The following EGF variants were observed in gnomAD, a reference collection of about 807,000 sequenced individuals.
EGF encodes the protein pro-epidermal growth factor.
In EGF, 95 loss-of-function variants were observed where a neutral mutation model predicts 143.8. The ratio of observed to expected loss-of-function variants is 0.66; its 90% CI spans 0.56 to 0.78. The LOEUF is 0.78. EGF is among the 30% of genes least tolerant of loss of function. The probability of loss-of-function intolerance (pLI) is 0.00; values close to 1 mark genes in which losing one functional copy is unlikely to be tolerated. For missense variants in EGF, 1,320 were observed against 1,470.9 expected (o/e 0.90, Z 1.68); for synonymous variants, 510 against 510.5 (o/e 1.00, Z 0.01).
chr4:109,944,947 T>A (rs1200135265), intron 4 of EGF, 126 bp from the exon 5 acceptor site: 1 of 999,536 alleles, frequency 1.0e-6, no homozygotes, highest in Non-Finnish European at 1.5e-6. Context: ...TTTCTAAACA[T>A]AAATGAGAAA....
At chr4:109,956,922 T>C (rs964420352) in intron 5 of EGF, among the ~76,000 whole-genome samples, 2 of 152,178 alleles carry the variant, frequency 1.3e-5, no homozygotes, top group African/African-American at 4.8e-5. Flanking sequence ...CACTAGTACA[T>C]TAGGCCAGTG....
chr4:109,999,944 A>G (rs1161473194), intron 21 of EGF, 98 bp downstream of exon 21: 11 of 1,531,790 alleles, frequency 7.2e-6, no homozygotes, highest in Admixed American at 6.7e-5. Flanking sequence ...TAGTACCTCT[A>G]CATACTACAT....
intron 6 of EGF, 136 bp downstream of exon 6, chr4:109,959,573 C>A: frequency 7.5e-7 from 1 of 1,326,082 alleles, no homozygotes; most frequent in Non-Finnish European, 1.1e-6. Context: ...CCATTCTCCC[C>A]GTCCCCCACA....
intron 1 of EGF, among the ~76,000 whole-genome samples, chr4:109,914,687 T>A (rs1020419871): frequency 1.1e-4 from 16 of 152,312 alleles, no homozygotes; most frequent in African/African-American, 3.9e-4. Context: ...TGTGTATGAA[T>A]GAGGCGTCTT....
intron 1 of EGF, among the ~76,000 whole-genome samples, chr4:109,917,898 G>A (rs1360323656): frequency 1.3e-5 from 2 of 152,140 alleles, no homozygotes; most frequent in East Asian, 3.9e-4. Context: ...GGGATTACAG[G>A]CATGAGCCAC....
chr4:109,928,528 C>T (rs757563768), intron 1 of EGF, among the ~76,000 whole-genome samples: 3 of 152,036 alleles, frequency 2.0e-5, no homozygotes, highest in Non-Finnish European at 4.4e-5. Flanking sequence ...TAAAAAGGTG[C>T]CAGACTCTTA....
At chr4:109,933,786 T>C (rs1303672612) in intron 1 of EGF, among the ~76,000 whole-genome samples, 1 of 152,228 alleles carries the variant, frequency 6.6e-6, no homozygotes, top group Non-Finnish European at 1.5e-5. Flanking sequence ...TATTCCATGG[T>C]GTATATGTGC....
At chr4:109,919,287 GTC>G (rs58110007) in intron 1 of EGF, among the ~76,000 whole-genome samples, 5,804 of 75,674 alleles carry the variant, frequency 0.077, 312 homozygotes, top group Non-Finnish European at 0.091. Flanking sequence ...ATGCTTCTCT[GTC>G]TCTCTCTCTC....
chr4:109,988,760 C>T (rs756170549), intron 18 of EGF, 51 bp downstream of exon 18: 109 of 1,611,040 alleles, frequency 6.8e-5, no homozygotes, highest in Non-Finnish European at 8.3e-5. Context: ...CCTCAGAAAT[C>T]GGGAAACAAT....
At chr4:109,936,713 G>A (rs1740874798) in intron 1 of EGF, among the ~76,000 whole-genome samples, 1 of 152,188 alleles carries the variant, frequency 6.6e-6, no homozygotes. Context: ...TGCTTTAGCT[G>A]TGTCTCAGAG....
At chr4:109,959,015 A>G (rs1050472468) in intron 5 of EGF, 6 of 364,488 alleles carry the variant, frequency 1.6e-5, no homozygotes, top group East Asian at 5.7e-5. Context: ...TTTTGTGATA[A>G]AAGTACATTA....
At chr4:109,970,824 CAAAAAAA>C (rs371512157) in intron 11 of EGF, among the ~76,000 whole-genome samples, 2 of 72,974 alleles carry the variant, frequency 2.7e-5, no homozygotes, top group South Asian at 1.2e-3. Context: ...GACTCCGTCT[CAAAAAAA>C]AAAAAAAAAA....
intron 2 of EGF, among the ~76,000 whole-genome samples, chr4:109,942,942 T>G (rs969856371): frequency 6.6e-6 from 1 of 152,210 alleles, no homozygotes; most frequent in Non-Finnish European, 1.5e-5. Context: ...GCATCAAAAT[T>G]TCACCATTAC....
At chr4:109,934,265 T>G (rs1740348608) in intron 1 of EGF, among the ~76,000 whole-genome samples, 1 of 152,196 alleles carries the variant, frequency 6.6e-6, no homozygotes, top group African/African-American at 2.4e-5. Context: ...GCCTATCAGC[T>G]TAAGGAGATT....
chr4:109,926,166 A>G (rs1738603106), intron 1 of EGF, among the ~76,000 whole-genome samples: 1 of 152,152 alleles, frequency 6.6e-6, no homozygotes, highest in African/African-American at 2.4e-5. Context: ...CAGCCTAGGC[A>G]ACATAGGAGA....
At chr4:109,986,941 T>C (rs754842977) in intron 16 of EGF, among the ~76,000 whole-genome samples, 1 of 152,218 alleles carries the variant, frequency 6.6e-6, no homozygotes, top group Non-Finnish European at 1.5e-5. Context: ...CATTGTGACA[T>C]ACATATTCTA....
rs752077372 is a variant in EGF at position 109,913,322 on chromosome 4, A to T, written c.-14A>T. Reference sequence around the variant, plus strand: ...CAAGCTGTTTTCTTTTGAAAGTTCAAACTCATCAAGATTATGCTGCTCACT... The same window carrying T: ...CAAGCTGTTTTCTTTTGAAAGTTCATACTCATCAAGATTATGCTGCTCACT... On this transcript the variant is annotated 5_prime_UTR_variant, in exon 1 of 24. Transcript: ENST00000265171. 3 of 1,613,382 alleles carry T rather than the reference A, an allele frequency of 1.9e-6. No homozygotes were observed. The African/African-American group carries it at 4.0e-5, about 22-fold the overall frequency.
chr4:110,005,036 CTTTTTTTTTT>C lies in EGF; in HGVS notation c.3291+429_3291+438del, dbSNP rs538062029. 5.6e-3 allele frequency among the ~76,000 whole-genome samples: 453 copies of C among 80,768 alleles called. 1 individual carries two copies. The highest frequency in any genetic ancestry group is 0.039 in the Middle Eastern group (4 of 102). 53.0% of individuals were successfully genotyped at this position (80,768 alleles called of 152,430 possible). The stretch of plus-strand genomic sequence containing the variant: ...TTCTTTTCTTTTTCTTTTTCTCTGT[CTTTTTTTTTT>C]TTTTTTTTTTTTTTGGACAGGATCT... On this transcript the variant is annotated intron_variant, in intron 22 of 23. Coordinates refer to ENST00000265171, the MANE Select transcript of EGF (RefSeq NM_001963.6).
At chr4:109,983,744 C>T (rs1749726127) in intron 16 of EGF, among the ~76,000 whole-genome samples, 1 of 152,212 alleles carries the variant, frequency 6.6e-6, no homozygotes, top group Admixed American at 6.6e-5. Context: ...ATAAACAGGA[C>T]ACCTTGAGAG....
Sources: gnomAD v4.1 joint callset for allele counts (sites outside exome capture counted in the v4.1 genomes callset) on GRCh38, gnomAD v4.1.1 for gene constraint, MANE v1.5 for transcripts, NCBI Gene and HGNC (gene_info 2026-07-23, HGNC 2026-07-21) for gene names.